NELL1: variants seen among roughly 807,000 people sequenced by gnomAD.
The protein encoded by NELL1 is neural EGFL like 1.
NELL1 carries 76 observed loss-of-function variants against 107.4 expected under a neutral mutation model. That is an observed-to-expected ratio of 0.71 (90% CI 0.59 to 0.86). NELL1 has a LOEUF of 0.86. Among genes scored for constraint, NELL1 ranks in the 40% least tolerant of loss-of-function variants. The probability of loss-of-function intolerance (pLI) is 0.00; values close to 1 mark genes in which losing one functional copy is unlikely to be tolerated. For missense variants in NELL1, 1,024 were observed against 1,005.5 expected, an observed-to-expected ratio of 1.02 and a Z score of -0.25; for synonymous variants, 353 against 341.2, an observed-to-expected ratio of 1.03 and a Z score of -0.38.
intron 14 of NELL1, among the ~76,000 whole-genome samples, chr11:21,359,880 C>T (rs190051515): frequency 1.3e-5 from 2 of 152,216 alleles, no homozygotes; most frequent in Admixed American, 1.3e-4. Flanking sequence ...CTCCTCTCTT[C>T]TTTCTTGGTT....
intron 14 of NELL1, among the ~76,000 whole-genome samples, chr11:21,254,450 G>T (rs1858719381): frequency 1.3e-5 from 2 of 152,036 alleles, no homozygotes; most frequent in Non-Finnish European, 1.5e-5. Flanking sequence ...CATGAGAAAG[G>T]TTAATGTTAA....
intron 14 of NELL1, among the ~76,000 whole-genome samples, chr11:21,354,994 T>G (rs1850900711): frequency 6.6e-6 from 1 of 152,202 alleles, no homozygotes; most frequent in South Asian, 2.1e-4. Context: ...GGCTCCCATT[T>G]CCTAGTGCTC....
In NELL1 at chr11:21,454,333, G is replaced by A. The variant is rs1206885114; in HGVS notation, c.1646-80041G>A. ...TTTCTTAATCCAGTCTATCATTGTT[G>A]GACATTTGGGTTGGTTCCAAGTCTT... On this transcript the variant is annotated intron_variant, in intron 15 of 19. Coordinates refer to ENST00000357134, the MANE Select transcript of NELL1 (RefSeq NM_006157.5). Among the ~76,000 whole-genome samples the A allele has an allele frequency of 2.0e-5, 3 of 150,938 alleles. No homozygotes were observed. The Admixed American group carries it at 2.0e-4, about 10-fold the overall frequency.
At chr11:21,387,677 A>G (rs1209593102) in intron 15 of NELL1, among the ~76,000 whole-genome samples, 35 of 151,808 alleles carry the variant, frequency 2.3e-4, no homozygotes, top group Admixed American at 2.3e-3. Flanking sequence ...AAGTTTTGAC[A>G]ACTGCAAGAG....
intron 15 of NELL1, among the ~76,000 whole-genome samples, chr11:21,427,010 T>A (rs1378938463): frequency 2.6e-5 from 4 of 152,088 alleles, no homozygotes; most frequent in Admixed American, 2.0e-4. Context: ...GTTGCCCCCA[T>A]GTAATTACCA....
chr11:21,508,288 AT>A (rs58879655), intron 15 of NELL1, among the ~76,000 whole-genome samples: 2,385 of 152,262 alleles, frequency 0.016, 60 homozygotes, highest in African/African-American at 0.054. Context: ...AACTAGAAAA[AT>A]ATAATTTATC....
At chr11:20,736,166 G>A (rs575667710) in intron 2 of NELL1, among the ~76,000 whole-genome samples, 1 of 152,266 alleles carries the variant, frequency 6.6e-6, no homozygotes, top group East Asian at 1.9e-4. Flanking sequence ...AGTGGGGGGT[G>A]AAGGTTTGAG....
intron 5 of NELL1, among the ~76,000 whole-genome samples, chr11:20,894,287 A>G (rs979667084): frequency 2.6e-5 from 4 of 152,196 alleles, no homozygotes; most frequent in Non-Finnish European, 4.4e-5. Context: ...ATTGGAATAT[A>G]TTAAAATTTG....
At chr11:20,853,008 C>T (rs1346544494) in intron 4 of NELL1, among the ~76,000 whole-genome samples, 1 of 152,168 alleles carries the variant, frequency 6.6e-6, no homozygotes, top group Non-Finnish European at 1.5e-5. Flanking sequence ...CTTGGAGTAA[C>T]CTCTCAATTT....
intron 15 of NELL1, among the ~76,000 whole-genome samples, chr11:21,399,322 T>C (rs1475812747): frequency 6.6e-6 from 1 of 151,700 alleles, no homozygotes; most frequent in Non-Finnish European, 1.5e-5. Context: ...TGGTTGACAA[T>C]CGCTTCAGTT....
At chr11:21,063,729 T>G (rs1215031321) in intron 12 of NELL1, among the ~76,000 whole-genome samples, 1 of 152,166 alleles carries the variant, frequency 6.6e-6, no homozygotes, top group Non-Finnish European at 1.5e-5. Context: ...TAACTAATGT[T>G]TATTGTGCCG....
chr11:20,948,005 T>G (rs1475479024), intron 11 of NELL1, among the ~76,000 whole-genome samples: 1 of 152,128 alleles, frequency 6.6e-6, no homozygotes, highest in Non-Finnish European at 1.5e-5. Flanking sequence ...TGGAATTGCC[T>G]TCATCCCAAA....
intron 14 of NELL1, among the ~76,000 whole-genome samples, chr11:21,334,391 A>T (rs1850339599): frequency 6.6e-6 from 1 of 151,992 alleles, no homozygotes; most frequent in South Asian, 2.1e-4. Flanking sequence ...TATCTAAAAA[A>T]AATTAAGTCA....
intron 14 of NELL1, among the ~76,000 whole-genome samples, chr11:21,230,072 C>A (rs745584116): frequency 6.6e-6 from 1 of 152,180 alleles, no homozygotes; most frequent in Non-Finnish European, 1.5e-5. Flanking sequence ...GTTGCCTCAG[C>A]CACAATGCTC....
intron 15 of NELL1, among the ~76,000 whole-genome samples, chr11:21,532,067 G>A (rs556658892): frequency 2.0e-5 from 3 of 152,200 alleles, no homozygotes; most frequent in African/African-American, 7.2e-5. Context: ...GAACAGAAAT[G>A]TACAGCCTAG....
At chr11:21,223,507 A>C (rs1256997318) in intron 13 of NELL1, among the ~76,000 whole-genome samples, 1 of 152,206 alleles carries the variant, frequency 6.6e-6, no homozygotes, top group Non-Finnish European at 1.5e-5. Context: ...GTCTTACAAA[A>C]AATCCATTCA....
At chr11:20,976,992 G>A (rs543539435) in intron 12 of NELL1, among the ~76,000 whole-genome samples, 8 of 151,462 alleles carry the variant, frequency 5.3e-5, no homozygotes, top group South Asian at 2.1e-4. Flanking sequence ...AGAATGGTTC[G>A]TCATTTTGCT....
At chr11:21,214,426 T>C (rs1195204161) in intron 13 of NELL1, among the ~76,000 whole-genome samples, 1 of 152,144 alleles carries the variant, frequency 6.6e-6, no homozygotes, top group Non-Finnish European at 1.5e-5. Flanking sequence ...TAGATACAGA[T>C]GGCGAGTGAA....
In NELL1 at chr11:21,370,961, G is replaced by A; in HGVS notation, c.1645+13G>A. 1 of 1,583,978 alleles carries A rather than the reference G, an allele frequency of 6.3e-7. No individual in the cohort carries two copies. Among genetic ancestry groups the A allele is most frequent in the East Asian group, 2.3e-5 (1 of 44,432 alleles). On this transcript the variant is annotated intron_variant, in intron 15 of 19. Coordinates refer to ENST00000357134, the MANE Select transcript of NELL1 (RefSeq NM_006157.5). ...CACTGCGAGAAAGGTAATCTAGCTT[G>A]TTTTATGGGGGATAGGGACAAAGAT... is the stretch of plus-strand genomic sequence containing the variant.
Sources: gnomAD v4.1 joint callset for allele counts (sites outside exome capture counted in the v4.1 genomes callset) on GRCh38, gnomAD v4.1.1 for gene constraint, MANE v1.5 for transcripts, NCBI Gene and HGNC (gene_info 2026-07-23, HGNC 2026-07-21) for gene names.